Variants in MSRA observed in about 807,000 individuals in gnomAD.
The protein encoded by MSRA is mitochondrial peptide methionine sulfoxide reductase.
A neutral mutation model predicts 31.3 loss-of-function variants in MSRA; 54 were observed. The ratio of observed to expected loss-of-function variants is 1.73; its 90% CI spans 1.39 to 2.17. The LOEUF (loss-of-function observed/expected upper bound fraction) is 2.17. MSRA is among the 30% of genes most tolerant of loss of function. MSRA has a pLI of 0.00. For synonymous variants in MSRA, 169 were observed against 116.5 expected, an observed-to-expected ratio of 1.45 and a Z score of -2.90; for missense variants, 507 against 300.9, an observed-to-expected ratio of 1.69 and a Z score of -5.07.
chr8:10,065,915 C>A (rs530522061), intron 1 of MSRA, among the ~76,000 whole-genome samples: 1 of 151,784 alleles, frequency 6.6e-6, no homozygotes, highest in South Asian at 2.1e-4. Flanking sequence ...CTGCTCCTAC[C>A]GTGCCTGTGC....
chr8:10,428,530 G>A lies in MSRA; in HGVS notation c.*218G>A, dbSNP rs755875367. On this transcript the variant is annotated 3_prime_UTR_variant, in exon 6 of 6. Transcript: ENST00000317173. ...TAAGTTATGGTGGGAGTGGAGCTGTGCAGTTTCCTGTGTCTTCTGGGGTCT... is the reference window on the plus strand; with the variant it reads ...TAAGTTATGGTGGGAGTGGAGCTGTACAGTTTCCTGTGTCTTCTGGGGTCT... The A allele has an allele frequency of 1.1e-5, 6 of 542,504 alleles. No individual in the cohort carries two copies. In the East Asian group the frequency reaches 1.4e-4, roughly 13 times the overall value. 33.6% of individuals were successfully genotyped at this position (542,504 alleles called of 1,614,324 possible).
intron 3 of MSRA, among the ~76,000 whole-genome samples, chr8:10,282,404 C>G (rs892753376): frequency 6.6e-6 from 1 of 152,200 alleles, no homozygotes; most frequent in Non-Finnish European, 1.5e-5. Flanking sequence ...TAATGGATAT[C>G]TGCCAAGATG....
intron 3 of MSRA, among the ~76,000 whole-genome samples, chr8:10,263,512 C>T (rs9650649): frequency 0.19 from 28,662 of 152,240 alleles, 3,575 homozygotes; most frequent in Non-Finnish European, 0.28. Flanking sequence ...ATATGGCAGC[C>T]TCTAAGAGCC....
chr8:10,244,606 C>G (rs1025285876), intron 2 of MSRA, among the ~76,000 whole-genome samples: 1 of 152,094 alleles, frequency 6.6e-6, no homozygotes, highest in Non-Finnish European at 1.5e-5. Context: ...AAAATGAAAA[C>G]TAAACACATA....
intron 1 of MSRA, among the ~76,000 whole-genome samples, chr8:10,162,529 G>C (rs1162520448): frequency 6.6e-6 from 1 of 152,154 alleles, no homozygotes; most frequent in Non-Finnish European, 1.5e-5. Context: ...TGTTGAGTGG[G>C]GCAGGTGACG....
chr8:10,320,224 T>G (rs1293162393), intron 5 of MSRA: 1 of 320,112 alleles, frequency 3.1e-6, no homozygotes, highest in African/African-American at 2.1e-5. Context: ...ATCCCAGTAC[T>G]TTGGGGGGCC....
chr8:10,302,075 G>C (rs1471865131), intron 4 of MSRA, among the ~76,000 whole-genome samples: 1 of 152,202 alleles, frequency 6.6e-6, no homozygotes, highest in African/African-American at 2.4e-5. Context: ...TTAAAAAAAT[G>C]TATGTGGTGA....
At chr8:10,146,195 A>G (rs1344114804) in intron 1 of MSRA, among the ~76,000 whole-genome samples, 1 of 152,250 alleles carries the variant, frequency 6.6e-6, no homozygotes, top group East Asian at 1.9e-4. Context: ...TAAAGGAAGA[A>G]CCCATATTTG....
chr8:10,333,977 C>G (rs1025556229), intron 5 of MSRA, among the ~76,000 whole-genome samples: 11 of 152,150 alleles, frequency 7.2e-5, no homozygotes, highest in African/African-American at 2.7e-4. Context: ...AGAATTTCAC[C>G]TATCAGATTA....
intron 5 of MSRA, among the ~76,000 whole-genome samples, chr8:10,405,720 C>G (rs934672150): frequency 2.6e-5 from 4 of 152,200 alleles, no homozygotes; most frequent in African/African-American, 9.7e-5. Flanking sequence ...CATGTGCTCA[C>G]ACACACAATC....
intron 4 of MSRA, among the ~76,000 whole-genome samples, chr8:10,316,436 C>G (rs1460088419): frequency 2.0e-5 from 3 of 151,486 alleles, no homozygotes; most frequent in Admixed American, 6.6e-5. Flanking sequence ...CTAATATCCT[C>G]CAAGTATTTG....
At chr8:10,272,125 C>T (rs1799075466) in intron 3 of MSRA, among the ~76,000 whole-genome samples, 1 of 152,188 alleles carries the variant, frequency 6.6e-6, no homozygotes, top group Non-Finnish European at 1.5e-5. Context: ...AAGCTTATTT[C>T]CTCTATCTGG....
At chr8:10,092,378 G>T (rs756210594) in intron 1 of MSRA, among the ~76,000 whole-genome samples, 9 of 152,120 alleles carry the variant, frequency 5.9e-5, no homozygotes, top group Non-Finnish European at 1.2e-4. Flanking sequence ...GTACATTCTG[G>T]CCAGGCACGG....
chr8:10,386,990 C>A (rs1264225386), intron 5 of MSRA, among the ~76,000 whole-genome samples: 1 of 151,878 alleles, frequency 6.6e-6, no homozygotes, highest in African/African-American at 2.4e-5. Context: ...GATGTGCGTG[C>A]AGAACACCTG....
At chr8:10,286,216 C>A (rs1458084921) in intron 3 of MSRA, among the ~76,000 whole-genome samples, 1 of 152,160 alleles carries the variant, frequency 6.6e-6, no homozygotes, top group African/African-American at 2.4e-5. Flanking sequence ...AAGTAGTTCC[C>A]GTTTTTCAAC....
At chr8:10,246,814 G>A (rs551689336) in intron 3 of MSRA, among the ~76,000 whole-genome samples, 1 of 152,058 alleles carries the variant, frequency 6.6e-6, no homozygotes, top group East Asian at 1.9e-4. Context: ...TATTTTAATG[G>A]TTATCCTATT....
chr8:10,215,374 C>G (rs1809897174), intron 2 of MSRA, among the ~76,000 whole-genome samples: 1 of 152,186 alleles, frequency 6.6e-6, no homozygotes, highest in Non-Finnish European at 1.5e-5. Flanking sequence ...CCACCTAGGA[C>G]TGTTGTCAGA....
chr8:10,352,555 T>C (rs564025733), intron 5 of MSRA, among the ~76,000 whole-genome samples: 51 of 152,204 alleles, frequency 3.4e-4, no homozygotes, highest in African/African-American at 1.0e-3. Context: ...TGGAGAAGAT[T>C]GCAGCTGCAA....
chr8:10,207,877 G>T lies in MSRA; in HGVS notation c.187G>T (p.Glu63Ter). Residue 63 changes from glutamate to a stop codon, truncating the protein, a stop_gained, in exon 2 of 6, where the codon GAG becomes TAG. Coordinates refer to ENST00000317173, the MANE Select transcript of MSRA (RefSeq NM_012331.5). LOFTEE classifies it high-confidence loss of function. Reference sequence around the variant, plus strand: ...CAACAGAACAGTCGAACCTTTCCCAGAGGGAACACAGATGGCTGTATTTGG... The same window carrying T: ...CAACAGAACAGTCGAACCTTTCCCATAGGGAACACAGATGGCTGTATTTGG... ...NGNRTVEPFP[E>*]GTQMAVFGMG... is the part of the protein sequence containing the mutation. The T allele has an allele frequency of 6.2e-7, 1 of 1,612,182 alleles. No individual in the cohort carries two copies. Among genetic ancestry groups the T allele is most frequent in the South Asian group, 1.1e-5 (1 of 90,806 alleles).
Sources: allele counts gnomAD v4.1 joint callset (sites outside exome capture counted in the v4.1 genomes callset), GRCh38; gene constraint gnomAD v4.1.1; transcripts MANE v1.5; gene names NCBI Gene and HGNC (gene_info 2026-07-23, HGNC 2026-07-21).